Variants in HUWE1 observed in about 807,000 individuals in gnomAD.
HUWE1 encodes the protein E3 ubiquitin-protein ligase HUWE1.
Under a neutral mutation model 299.4 loss-of-function variants are expected in HUWE1, and 18 were observed. The observed-to-expected ratio is 0.06, with a 90% CI of 0.04 to 0.09. The LOEUF (loss-of-function observed/expected upper bound fraction) is 0.09, where lower values mean the gene tolerates loss of function less well. Among genes scored for constraint, HUWE1 ranks in the 10% least tolerant of loss-of-function variants. The probability of loss-of-function intolerance (pLI) is 1.00; values close to 1 mark genes in which losing one functional copy is unlikely to be tolerated. For missense variants in HUWE1, 1,832 were observed against 3,462.3 expected (o/e 0.53, Z 11.82); for synonymous variants, 1,317 against 1,286.1 (o/e 1.02, Z -0.51).
intron 7 of HUWE1, among the ~76,000 whole-genome samples, chrX:53,637,487 G>C (rs968168449): frequency 6.2e-5 from 7 of 112,537 alleles, no homozygotes; most frequent in African/African-American, 1.6e-4. Context: ...GAATAAGCTT[G>C]AAAGGCTGTG....
intron 21 of HUWE1, among the ~76,000 whole-genome samples, chrX:53,616,298 C>G (rs2065797870): frequency 1.8e-5 from 2 of 110,624 alleles, no homozygotes; most frequent in African/African-American, 6.6e-5. Context: ...CCCCTATCCC[C>G]CCAAATCACT....
chrX:53,546,629 T>G (rs1050604821), intron 69 of HUWE1, 37 bp from the exon 70 acceptor site: 5 of 1,207,563 alleles, frequency 4.1e-6, no homozygotes, highest in Non-Finnish European at 5.6e-6. Context: ...AGCCCCAGCC[T>G]GAGAACAAAA....
In HUWE1 at chrX:53,565,178, CAAT is replaced by C; in HGVS notation, c.6766_6768del (p.Ile2256del). 8.3e-7 allele frequency: 1 copy of C among 1,211,520 alleles called. No homozygotes were observed. The highest frequency in any genetic ancestry group is 1.1e-6 in the Non-Finnish European group (1 of 895,237). ...CCAAAAAGGCTACTGGGCTGGTTCA[CAAT>C]CCGGGAAAGTGTTTCCAAAGGCTTC... is the stretch of plus-strand genomic sequence containing the variant. On this transcript the variant is annotated inframe_deletion, in exon 50 of 84. Transcript: ENST00000262854.
rs1253389079 is a variant in HUWE1 at position 53,544,018 on chromosome X, A to G, written c.11252-50T>C. On this transcript the variant is annotated intron_variant, in intron 72 of 83. Transcript: ENST00000262854. Reference sequence around the variant, plus strand: ...CAAGATATAAAATATAGGAAGAGGGAAAGCCCAATATTCTCTCTCCTATCT... The same window carrying G: ...CAAGATATAAAATATAGGAAGAGGGGAAGCCCAATATTCTCTCTCCTATCT... 7.6e-6 allele frequency: 8 copies of G among 1,053,427 alleles called. No individual in the cohort carries two copies. The Admixed American group carries it at 1.0e-4, about 13-fold the overall frequency. The allele number at this position is 1,053,427 out of a possible 1,213,427, so 86.8% of individuals were successfully genotyped here. A position where few individuals can be genotyped will look rare whatever the true frequency, so the allele number is the denominator to read the frequency against.
Position 53,654,048 on chromosome X carries a change from C to G in HUWE1, c.45+15G>C. 3.5e-6 allele frequency: 4 copies of G among 1,147,326 alleles called. No individual in the cohort carries two copies. The South Asian group carries it at 7.4e-5, about 21-fold the overall frequency. 94.6% of individuals were successfully genotyped at this position (1,147,326 alleles called of 1,213,427 possible). ...ATGAAGAAAAAATAAGCAAAGTAAACTTTTGGATACTTACAGCCTCAGTAG... is the reference window on the plus strand; with the variant it reads ...ATGAAGAAAAAATAAGCAAAGTAAAGTTTTGGATACTTACAGCCTCAGTAG... On this transcript the variant is annotated intron_variant, in intron 4 of 83. Coordinates refer to ENST00000262854, the MANE Select transcript of HUWE1 (RefSeq NM_031407.7).
intron 3 of HUWE1, among the ~76,000 whole-genome samples, chrX:53,654,938 GA>G (rs1317372103): frequency 9.0e-6 from 1 of 111,260 alleles, no homozygotes; most frequent in Non-Finnish European, 1.9e-5. Flanking sequence ...TTTTCAACTA[GA>G]AAATGAAGTA....
chrX:53,632,049 C>A (rs1557023168), intron 9 of HUWE1: 1 of 341,757 alleles, frequency 2.9e-6, no homozygotes, highest in Non-Finnish European at 5.5e-6. Context: ...TGTATTTTCA[C>A]TAAGCTACTT....
chrX:53,583,674 G>A lies in HUWE1; in HGVS notation c.5404C>T (p.Arg1802Cys), dbSNP rs2063731327. ...CTCTGGGTCAAATTCAAGATCATGC[G>A]GGTACTCTTCAGTTCTGCAAACATC... is the stretch of plus-strand genomic sequence containing the variant. ...AMMFAELKST[R>C]MILNLTQSSG... The change falls in exon 42 of 84, where the codon CGC becomes TGC. Residue 1802 changes from arginine (R) to cysteine (C), a missense_variant. Arg to Cys is a radical substitution (Grantham distance 180). Transcript: ENST00000262854. 2.5e-6 allele frequency: 3 copies of A among 1,210,183 alleles called. No individual in the cohort carries two copies. The highest frequency in any genetic ancestry group is 3.4e-6 in the Non-Finnish European group (3 of 894,181).
chrX:53,602,843 CTT>C (rs1209240887), intron 27 of HUWE1, among the ~76,000 whole-genome samples, 185 bp from the exon 28 acceptor site: 1 of 102,781 alleles, frequency 9.7e-6, no homozygotes, highest in Non-Finnish European at 2.0e-5. Flanking sequence ...CTTTCCAATT[CTT>C]TTTTTTTTCT....
At chrX:53,643,828 CT>C (rs1365212951) in intron 7 of HUWE1, among the ~76,000 whole-genome samples, 2 of 111,764 alleles carry the variant, frequency 1.8e-5, no homozygotes, top group East Asian at 5.6e-4. Context: ...ATTCTCTTTT[CT>C]TTTTTAGAGA....
chrX:53,598,024 A>T (rs980061876), intron 29 of HUWE1, among the ~76,000 whole-genome samples: 2 of 112,040 alleles, frequency 1.8e-5, no homozygotes, highest in Non-Finnish European at 3.8e-5. Context: ...ATATAGCAAA[A>T]AAAAGGTCAT....
rs782304486 is a variant in HUWE1 at position 53,577,457 on chromosome X, T to TAAAAAAAAA, written c.5717-399_5717-391dup. 1.6e-3 allele frequency among the ~76,000 whole-genome samples: 126 copies of TAAAAAAAAA among 76,833 alleles called. 1 individual carries two copies. The highest frequency in any genetic ancestry group is 6.4e-3 in the African/African-American group (124 of 19,425). The allele number at this position is 76,833 out of a possible 115,157, so 66.7% of individuals were successfully genotyped here. A position where few individuals can be genotyped will look rare whatever the true frequency, so the allele number is the denominator to read the frequency against. On this transcript the variant is annotated intron_variant, in intron 43 of 83. Coordinates refer to ENST00000262854, the MANE Select transcript of HUWE1 (RefSeq NM_031407.7). Reference sequence around the variant, plus strand: ...TTTCATCCCCTTCCCAACGTTTTATTAAAAAAAAAAAAAAAAAAACTCCCT... The same window carrying TAAAAAAAAA: ...TTTCATCCCCTTCCCAACGTTTTATTAAAAAAAAAAAAAAAAAAAAAAAAAAAACTCCCT...
chrX:53,617,241 T>G, intron 20 of HUWE1, 94 bp from the exon 21 acceptor site: 1 of 863,051 alleles, frequency 1.2e-6, no homozygotes, highest in Non-Finnish European at 1.7e-6. Flanking sequence ...TAGAAGGAAT[T>G]TTGACAACCA....
At chrX:53,610,754 C>T (rs782404800) in intron 23 of HUWE1, among the ~76,000 whole-genome samples, 11 of 111,685 alleles carry the variant, frequency 9.8e-5, no homozygotes, top group African/African-American at 2.3e-4. Context: ...GGAACAACTG[C>T]GTCTCTGCAC....
At chrX:53,568,969 T>C (rs1237146232) in intron 48 of HUWE1, 95 bp from the exon 49 acceptor site, 4 of 715,728 alleles carry the variant, frequency 5.6e-6, no homozygotes, top group Non-Finnish European at 8.5e-6. Context: ...TCCTGTAACT[T>C]TTGTATTTCC....
At chrX:53,537,232 G>C (rs1450793773) in intron 78 of HUWE1, 2 of 304,116 alleles carry the variant, frequency 6.6e-6, no homozygotes, top group East Asian at 1.4e-4. Flanking sequence ...TACCAGTTTG[G>C]TGGAGGCCAC....
chrX:53,548,394 G>T (rs2061634394), intron 67 of HUWE1, 121 bp from the exon 68 acceptor site: 4 of 823,494 alleles, frequency 4.9e-6, no homozygotes, highest in East Asian at 6.9e-5. Context: ...AATATTGGGG[G>T]ATATGTCATA....
At chrX:53,642,618 T>C (rs2067678801) in intron 7 of HUWE1, among the ~76,000 whole-genome samples, 1 of 112,278 alleles carries the variant, frequency 8.9e-6, no homozygotes, top group Non-Finnish European at 1.9e-5. Flanking sequence ...CTATGAACAA[T>C]GTATGAGGGT....
intron 45 of HUWE1, 117 bp from the exon 46 acceptor site, chrX:53,575,338 T>G (rs1181038535): frequency 1.1e-5 from 6 of 567,901 alleles, no homozygotes; most frequent in Non-Finnish European, 1.2e-5. Context: ...TTGGCCAACC[T>G]TTTAACCACC....
Sources: gnomAD v4.1 joint callset for allele counts (sites outside exome capture counted in the v4.1 genomes callset) on GRCh38, gnomAD v4.1.1 for gene constraint, MANE v1.5 for transcripts, NCBI Gene and HGNC (gene_info 2026-07-23, HGNC 2026-07-21) for gene names.